The following GRIN2D variants were observed in gnomAD, a reference collection of about 807,000 sequenced individuals.
GRIN2D encodes glutamate receptor ionotropic, NMDA 2D.
A neutral mutation model predicts 103.2 loss-of-function variants in GRIN2D; 37 were observed. That is an observed-to-expected ratio of 0.36 (90% CI 0.28 to 0.47). The LOEUF (loss-of-function observed/expected upper bound fraction) is 0.47, where lower values mean the gene tolerates loss of function less well. Among genes scored for constraint, GRIN2D ranks in the 20% least tolerant of loss-of-function variants. The probability of loss-of-function intolerance (pLI) is 1.00; values close to 1 mark genes in which losing one functional copy is unlikely to be tolerated. For missense variants in GRIN2D, 1,557 were observed against 1,910.6 expected (o/e 0.81, Z 3.45); for synonymous variants, 845 against 885.6 (o/e 0.95, Z 0.81).
chr19:48,437,488 A>G (rs929692360), intron 11 of GRIN2D, among the ~76,000 whole-genome samples: 1 of 152,208 alleles, frequency 6.6e-6, no homozygotes, highest in Non-Finnish European at 1.5e-5. Flanking sequence ...GGGAGACAGT[A>G]TATCCCAGAA....
chr19:48,425,402 C>T (rs922633927), intron 11 of GRIN2D, among the ~76,000 whole-genome samples: 4 of 152,146 alleles, frequency 2.6e-5, no homozygotes, highest in African/African-American at 4.8e-5. Flanking sequence ...CCACCATCCC[C>T]GGCTAATTTT....
chr19:48,396,650 G>A (rs763688735), intron 2 of GRIN2D, among the ~76,000 whole-genome samples: 5 of 152,010 alleles, frequency 3.3e-5, no homozygotes, highest in Non-Finnish European at 5.9e-5. Flanking sequence ...GGAGGGATGG[G>A]CATACTAGGA....
intron 11 of GRIN2D, among the ~76,000 whole-genome samples, chr19:48,435,682 A>T (rs565342509): frequency 6.6e-6 from 1 of 152,292 alleles, no homozygotes; most frequent in East Asian, 1.9e-4. Context: ...CGACCTCAGG[A>T]GATCCGTGCC....
rs755958451 is a variant in GRIN2D at position 48,415,985 on chromosome 19, C to T, written c.1582-17C>T. ...GAGCCGGGTTCCCCCGCCCACTCCTCATCGCCCCCACCCCAGGTGTTCTAC... is the reference window on the plus strand; with the variant it reads ...GAGCCGGGTTCCCCCGCCCACTCCTTATCGCCCCCACCCCAGGTGTTCTAC... On this transcript the variant is annotated splice_polypyrimidine_tract_variant and intron_variant, in intron 7 of 13. Transcript: ENST00000263269. 3.7e-6 allele frequency: 6 copies of T among 1,610,136 alleles called. No homozygotes were observed. The highest frequency in any genetic ancestry group is 5.1e-6 in the Non-Finnish European group (6 of 1,177,940).
At chr19:48,412,661 C>A (rs184628466) in intron 4 of GRIN2D, among the ~76,000 whole-genome samples, 2 of 150,584 alleles carry the variant, frequency 1.3e-5, no homozygotes, top group African/African-American at 2.4e-5. Context: ...TGGTCGTGGG[C>A]GCCTGTAATC....
intron 3 of GRIN2D, among the ~76,000 whole-genome samples, chr19:48,404,043 C>A (rs369566903): frequency 6.6e-6 from 1 of 152,146 alleles, no homozygotes; most frequent in African/African-American, 2.4e-5. Flanking sequence ...AGTTCAAGAC[C>A]AGCCTGGCCA....
chr19:48,423,798 G>A (rs1398602158), intron 11 of GRIN2D, among the ~76,000 whole-genome samples: 7 of 152,004 alleles, frequency 4.6e-5, no homozygotes, highest in Non-Finnish European at 7.4e-5. Context: ...TTTTACGTAA[G>A]GAAGGGTATG....
chr19:48,426,716 G>C (rs1788127068), intron 11 of GRIN2D, among the ~76,000 whole-genome samples: 1 of 151,640 alleles, frequency 6.6e-6, no homozygotes, highest in African/African-American at 2.4e-5. Flanking sequence ...TCCTGAGCAG[G>C]TGGGATTACA....
chr19:48,409,325 C>T (rs974919189), intron 4 of GRIN2D, among the ~76,000 whole-genome samples: 9 of 134,494 alleles, frequency 6.7e-5, no homozygotes, highest in Non-Finnish European at 1.1e-4. Context: ...GTTGCCCAGG[C>T]GGGAGTGCAG....
intron 8 of GRIN2D, 48 bp from the exon 9 acceptor site, chr19:48,419,186 G>A: frequency 2.5e-6 from 4 of 1,572,212 alleles, no homozygotes; most frequent in Non-Finnish European, 3.4e-6. Context: ...CCTGATCCCC[G>A]AGTCTTTTGC....
intron 8 of GRIN2D, among the ~76,000 whole-genome samples, chr19:48,418,296 G>A (rs796458463): frequency 1.6e-4 from 24 of 152,240 alleles, no homozygotes; most frequent in African/African-American, 5.3e-4. Flanking sequence ...GCCTCCCAAA[G>A]TACTGGGATT....
intron 8 of GRIN2D, among the ~76,000 whole-genome samples, chr19:48,418,290 C>T (rs947084431): frequency 6.6e-6 from 1 of 152,104 alleles, no homozygotes; most frequent in Non-Finnish European, 1.5e-5. Flanking sequence ...ACCTCGGCCT[C>T]CCAAAGTACT....
In GRIN2D at chr19:48,438,287, C is replaced by CTTTTTTTTTT. The variant is rs71181697; in HGVS notation, c.2253-3462_2253-3453dup. 6.4e-3 allele frequency among the ~76,000 whole-genome samples: 371 copies of CTTTTTTTTTT among 57,754 alleles called. 44 individuals are homozygous for CTTTTTTTTTT. The highest frequency in any genetic ancestry group is 8.3e-3 in the Non-Finnish European group (283 of 34,006). The allele number at this position is 57,754 out of a possible 152,430, so 37.9% of individuals were successfully genotyped here. A position where few individuals can be genotyped will look rare whatever the true frequency, so the allele number is the denominator to read the frequency against. ...TCTCTTCAACTCAGCATCCAGCCGCCTTTTTTTTTTTTTTTTTTTTTTTTT... is the reference window on the plus strand; with the variant it reads ...TCTCTTCAACTCAGCATCCAGCCGCCTTTTTTTTTTTTTTTTTTTTTTTTTTTTTTTTTTT... On this transcript the variant is annotated intron_variant, in intron 11 of 13. Coordinates refer to ENST00000263269, the MANE Select transcript of GRIN2D (RefSeq NM_000836.4).
At chr19:48,423,192 C>T (rs1339395045) in intron 11 of GRIN2D, among the ~76,000 whole-genome samples, 1 of 152,118 alleles carries the variant, frequency 6.6e-6, no homozygotes, top group African/African-American at 2.4e-5. Context: ...GCCTGGGCAA[C>T]AGAGACAGAC....
chr19:48,413,951 C>A, intron 4 of GRIN2D, 40 bp from the exon 5 acceptor site: 3 of 1,178,142 alleles, frequency 2.5e-6, no homozygotes, highest in Non-Finnish European at 3.8e-6. Context: ...CAAGGTCCAG[C>A]CCAGGCCCCA....
chr19:48,413,122 G>A (rs1009218468), intron 4 of GRIN2D, among the ~76,000 whole-genome samples: 105 of 141,728 alleles, frequency 7.4e-4, no homozygotes, highest in African/African-American at 2.7e-3. Flanking sequence ...GGCAACAAGA[G>A]CAAGACTCTG....
chr19:48,399,662 G>C (rs1022204142), intron 3 of GRIN2D, among the ~76,000 whole-genome samples: 5 of 152,198 alleles, frequency 3.3e-5, no homozygotes, highest in Non-Finnish European at 7.3e-5. Context: ...AGGTACCAAG[G>C]ACAGAGTTTG....
intron 10 of GRIN2D, among the ~76,000 whole-genome samples, chr19:48,420,114 C>A (rs1776223277): frequency 6.6e-6 from 1 of 152,104 alleles, no homozygotes; most frequent in South Asian, 2.1e-4. Context: ...TTCTCTCAAA[C>A]TGTGAGGAAG....
rs1970668308 is a variant in GRIN2D, at chr19:48,398,406, G to T, written c.14G>T (p.Gly5Val). 2.7e-6 allele frequency: 3 copies of T among 1,120,044 alleles called. No individual in the cohort carries two copies. The highest frequency in any genetic ancestry group is 3.8e-4 in the Middle Eastern group (1 of 2,634). 69.4% of individuals were successfully genotyped at this position (1,120,044 alleles called of 1,614,324 possible). The change falls in exon 3 of 14, where the codon GGT becomes GTT. Residue 5 changes from glycine to valine, a missense_variant. Gly to Val is a moderately radical substitution (Grantham distance 109, BLOSUM62 -3). This residue lies in a region of GRIN2D where 490 missense variants were observed against 601.1 expected (regional missense o/e 0.82). Transcript: ENST00000263269. MRGA[G>V]GPRGPRGPAK... Reference sequence around the variant, plus strand: ...GGCCCGCAGGCGATGCGCGGCGCCGGTGGCCCCCGCGGCCCTCGGGGCCCC... The same window carrying T: ...GGCCCGCAGGCGATGCGCGGCGCCGTTGGCCCCCGCGGCCCTCGGGGCCCC...
Sources: gnomAD v4.1 joint callset for allele counts (sites outside exome capture counted in the v4.1 genomes callset) on GRCh38, gnomAD v4.1.1 for gene constraint, gnomAD v4.1.1 regional missense constraint, MANE v1.5 for transcripts, NCBI Gene and HGNC (gene_info 2026-07-23, HGNC 2026-07-21) for gene names.